The following AP1G1 variants were observed in gnomAD, a reference collection of about 807,000 sequenced individuals.
AP1G1 encodes the protein AP-1 complex subunit gamma-1.
AP1G1 carries 7 observed loss-of-function variants against 108.3 expected under a neutral mutation model. The observed-to-expected ratio is 0.06, with a 90% CI of 0.04 to 0.12. The LOEUF is 0.12. AP1G1 is among the 10% of genes least tolerant of loss of function. AP1G1 has a pLI of 1.00. For missense variants in AP1G1, 756 were observed against 1,010.7 expected, an observed-to-expected ratio of 0.75 and a Z score of 3.42; for synonymous variants, 379 against 353.5, an observed-to-expected ratio of 1.07 and a Z score of -0.81.
chr16:71,769,035 C>G (rs1219324004), intron 6 of AP1G1, among the ~76,000 whole-genome samples: 1 of 138,802 alleles, frequency 7.2e-6, no homozygotes, highest in African/African-American at 2.7e-5. Context: ...GTAATCCCAG[C>G]ACTTTGGGAG....
rs28582006 is a variant in AP1G1 at position 71,775,013 on chromosome 16, G to A, written c.202-421C>T. On this transcript the variant is annotated intron_variant, in intron 2 of 22. Coordinates refer to ENST00000299980, the MANE Select transcript of AP1G1 (RefSeq NM_001128.6). ...TGGGATTACAGGCATGAGCCACCGCGCCTGGCTTTTTTTTTTTTTTTTTTT... is the reference window on the plus strand; with the variant it reads ...TGGGATTACAGGCATGAGCCACCGCACCTGGCTTTTTTTTTTTTTTTTTTT... Among the ~76,000 whole-genome samples the A allele has an allele frequency of 8.4e-4, 118 of 139,688 alleles. 2 individuals carry two copies. Among genetic ancestry groups the A allele is most frequent in the African/African-American group, 2.9e-3 (108 of 36,984 alleles). The allele number at this position is 139,688 out of a possible 152,430, so 91.6% of individuals were successfully genotyped here. A position where few individuals can be genotyped will look rare whatever the true frequency, so the allele number is the denominator to read the frequency against.
chr16:71,729,870 C>G lies in AP1G1; in HGVS notation c.*3188G>C, dbSNP rs961990965. On this transcript the variant is annotated 3_prime_UTR_variant, in exon 23 of 23. Coordinates refer to ENST00000299980, the MANE Select transcript of AP1G1 (RefSeq NM_001128.6). Reference sequence around the variant, plus strand: ...ATAGACACATTCAAACTCCTTTCCCCTAGTTCTCATGGCCCAAATATTTTC... The same window carrying G: ...ATAGACACATTCAAACTCCTTTCCCGTAGTTCTCATGGCCCAAATATTTTC... The G allele has an allele frequency of 2.0e-5, 3 of 152,578 alleles. No homozygotes were observed. The highest frequency in any genetic ancestry group is 7.2e-5 in the African/African-American group (3 of 41,426). The allele number at this position is 152,578 out of a possible 1,614,324, so 9.5% of individuals were successfully genotyped here. A position where few individuals can be genotyped will look rare whatever the true frequency, so the allele number is the denominator to read the frequency against.
intron 10 of AP1G1, among the ~76,000 whole-genome samples, chr16:71,760,965 T>G (rs1476202878): frequency 6.6e-6 from 1 of 152,190 alleles, no homozygotes; most frequent in African/African-American, 2.4e-5. Context: ...GATCAATTCA[T>G]TTACCTAAAA....
At chr16:71,786,553 C>A (rs934535804) in intron 2 of AP1G1, among the ~76,000 whole-genome samples, 1 of 152,086 alleles carries the variant, frequency 6.6e-6, no homozygotes, top group African/African-American at 2.4e-5. Context: ...CTGTACCTCC[C>A]GGATTCAAAC....
chr16:71,740,247 G>A (rs1295702763), intron 19 of AP1G1, among the ~76,000 whole-genome samples: 2 of 152,128 alleles, frequency 1.3e-5, no homozygotes, highest in African/African-American at 4.8e-5. Flanking sequence ...GGGCTGCCTT[G>A]TTTATTGTAG....
intron 10 of AP1G1, among the ~76,000 whole-genome samples, chr16:71,760,810 G>A (rs997605859): frequency 1.3e-5 from 2 of 152,110 alleles, no homozygotes; most frequent in African/African-American, 4.8e-5. Flanking sequence ...GCCTCCCAAA[G>A]TGTTGGCATT....
Position 71,733,034 on chromosome 16 carries a change from A to G in AP1G1, c.*24T>C. On this transcript the variant is annotated 3_prime_UTR_variant, in exon 23 of 23. Coordinates refer to ENST00000299980, the MANE Select transcript of AP1G1 (RefSeq NM_001128.6). ...AGAGTTCCTTTGATTGAGTGGGATA[A>G]AGAATGAGAATGGTGCCAAACCCTC... 6.3e-7 allele frequency: 1 copy of G among 1,584,948 alleles called. No homozygotes were observed.
At chr16:71,790,179 A>C (rs1326283745) in intron 1 of AP1G1, among the ~76,000 whole-genome samples, 22 of 152,120 alleles carry the variant, frequency 1.4e-4, no homozygotes, top group Admixed American at 1.4e-3. Flanking sequence ...AACGTGCACT[A>C]CCTAATTTCA....
chr16:71,795,248 C>G (rs1034379409), intron 1 of AP1G1, among the ~76,000 whole-genome samples: 1 of 152,138 alleles, frequency 6.6e-6, no homozygotes, highest in African/African-American at 2.4e-5. Context: ...CAGTCTTCCC[C>G]TAACAGACCT....
chr16:71,759,353 C>T (rs2030963996), intron 10 of AP1G1, among the ~76,000 whole-genome samples: 1 of 152,044 alleles, frequency 6.6e-6, no homozygotes, highest in Non-Finnish European at 1.5e-5. Flanking sequence ...CCCAGCTACT[C>T]GAGGGGCTGA....
chr16:71,750,179 A>T, intron 14 of AP1G1, 31 bp downstream of exon 14: 1 of 1,603,760 alleles, frequency 6.2e-7, no homozygotes, highest in Admixed American at 1.7e-5. Context: ...GGGTAAAATT[A>T]CCCCCTAAAA....
chr16:71,789,446 G>A lies in AP1G1; in HGVS notation c.34C>T (p.Arg12Trp). Residue 12 changes from arginine (R) to tryptophan (W), a missense_variant, in exon 2 of 23, where the codon CGG (arginine) becomes TGG (tryptophan). Physicochemically the swap from Arg to Trp is moderately radical, Grantham distance 101 (BLOSUM62 -3). Transcript: ENST00000299980. ...PAPIRLRELI[R>W]TIRTARTQAE... is the part of the protein sequence containing the mutation. Reference sequence around the variant, plus strand: ...TGGGTTCGGGCTGTCCGGATGGTCCGGATCAGCTCCCGCAATCTGATGGGG... The same window carrying A: ...TGGGTTCGGGCTGTCCGGATGGTCCAGATCAGCTCCCGCAATCTGATGGGG... The A allele has an allele frequency of 6.2e-7, 1 of 1,614,118 alleles. No individual in the cohort carries two copies. The highest frequency in any genetic ancestry group is 8.5e-7 in the Non-Finnish European group (1 of 1,180,034).
intron 16 of AP1G1, 100 bp from the exon 17 acceptor site, chr16:71,746,792 G>A (rs2030204647): frequency 1.2e-5 from 9 of 759,658 alleles, no homozygotes; most frequent in Non-Finnish European, 1.9e-5. Context: ...TTAAAATACT[G>A]AAATACTCAT....
intron 21 of AP1G1, among the ~76,000 whole-genome samples, chr16:71,736,023 C>T (rs2045530715): frequency 7.0e-6 from 1 of 143,052 alleles, no homozygotes; most frequent in African/African-American, 2.6e-5. Context: ...CCCAGCTACT[C>T]AGGAGGCTGA....
chr16:71,748,882 G>A (rs1395454905), intron 15 of AP1G1, among the ~76,000 whole-genome samples: 1 of 151,992 alleles, frequency 6.6e-6, no homozygotes, highest in East Asian at 1.9e-4. Flanking sequence ...GCCAGGCAAA[G>A]TGGCTCACAC....
chr16:71,739,124 A>T, intron 20 of AP1G1, 22 bp from the exon 21 acceptor site: 1 of 1,613,656 alleles, frequency 6.2e-7, no homozygotes. Context: ...CAGGAAGATA[A>T]GTCTTATTGT....
intron 15 of AP1G1, among the ~76,000 whole-genome samples, chr16:71,749,647 T>C (rs2030379359): frequency 3.9e-5 from 6 of 152,116 alleles, no homozygotes; most frequent in Admixed American, 3.9e-4. Context: ...GACACCATCA[T>C]ACCTGTCTAA....
intron 2 of AP1G1, among the ~76,000 whole-genome samples, chr16:71,787,740 C>T (rs2032259242): frequency 6.6e-6 from 1 of 152,154 alleles, no homozygotes; most frequent in South Asian, 2.1e-4. Flanking sequence ...GGATAACCAC[C>T]TGGATCAATT....
At chr16:71,788,226 T>C (rs1442955645) in intron 2 of AP1G1, among the ~76,000 whole-genome samples, 3 of 152,238 alleles carry the variant, frequency 2.0e-5, no homozygotes, top group East Asian at 3.8e-4. Flanking sequence ...TCTTTCCTGA[T>C]AGTGTTGCAC....
Sources: allele counts gnomAD v4.1 joint callset (sites outside exome capture counted in the v4.1 genomes callset), GRCh38; gene constraint gnomAD v4.1.1; transcripts MANE v1.5; gene names NCBI Gene and HGNC (gene_info 2026-07-23, HGNC 2026-07-21).